ADCY7: variants seen among roughly 807,000 people sequenced by gnomAD.
The protein encoded by ADCY7 is adenylate cyclase type 7.
Under a neutral mutation model 120.6 loss-of-function variants are expected in ADCY7, and 72 were observed. That is an observed-to-expected ratio of 0.60 (90% CI 0.49 to 0.73). The LOEUF (loss-of-function observed/expected upper bound fraction) is 0.73, where lower values mean the gene tolerates loss of function less well. ADCY7 is among the 30% of genes least tolerant of loss of function. ADCY7 has a pLI of 0.00. For missense variants in ADCY7, 1,227 were observed against 1,486.0 expected (o/e 0.83, Z 2.87); for synonymous variants, 661 against 628.0 (o/e 1.05, Z -0.78).
upstream of ADCY7, among the ~76,000 whole-genome samples, chr16:50,244,700 C>G (rs1423119713): frequency 6.6e-6 from 1 of 152,258 alleles, no homozygotes; most frequent in Non-Finnish European, 1.5e-5. Flanking sequence ...CCTTTCTTCA[C>G]TGCTGCCGGG....
At chr16:50,278,585 C>T (rs547394033) in intron 1 of ADCY7, among the ~76,000 whole-genome samples, 1 of 152,262 alleles carries the variant, frequency 6.6e-6, no homozygotes, top group Non-Finnish European at 1.5e-5. Flanking sequence ...CTGAACTTAT[C>T]AGTCTCTTCT....
rs759939352 is a variant in ADCY7, at chr16:50,315,373, C to G, written c.3111C>G (p.Thr1037=). 6.2e-7 allele frequency: 1 copy of G among 1,612,534 alleles called. No homozygotes were observed. The highest frequency in any genetic ancestry group is 8.5e-7 in the Non-Finnish European group (1 of 1,178,664). ...ELGKIQVTEE[T]CTILQGLGYS... is the part of the protein sequence containing the mutation. ...TTCCTTTTCAGGTTACCGAGGAGACCTGCACCATCCTCCAGGGCCTCGGGT... is the reference window on the plus strand; with the variant it reads ...TTCCTTTTCAGGTTACCGAGGAGACGTGCACCATCCTCCAGGGCCTCGGGT... The change falls in exon 26 of 26, where the codon ACC becomes ACG. Residue 1037 remains threonine (T), a synonymous_variant. Transcript: ENST00000673801.
intron 2 of ADCY7, among the ~76,000 whole-genome samples, chr16:50,290,254 A>C (rs2034855915): frequency 1.3e-5 from 2 of 152,124 alleles, no homozygotes; most frequent in African/African-American, 4.8e-5. Flanking sequence ...GGTTCCCGAG[A>C]TGATGGGAAG....
rs754670592 is a variant in ADCY7 at position 50,291,874 on chromosome 16, C to G, written c.514C>G (p.Pro172Ala). 6.2e-7 allele frequency: 1 copy of G among 1,612,976 alleles called. No individual in the cohort carries two copies. Among genetic ancestry groups the G allele is most frequent in the Non-Finnish European group, 8.5e-7 (1 of 1,179,376 alleles). Residue 172 changes from proline to alanine, a missense_variant, in exon 4 of 26, where the codon CCC becomes GCC. Around this residue, in one of 5 missense-constraint regions of ADCY7, gnomAD observed 382 missense variants for 411.4 expected, o/e 0.93. Coordinates refer to ENST00000673801, the MANE Select transcript of ADCY7 (RefSeq NM_001114.5). ...TTCTTTGATGGGAGGCTTCACGACACCCAGTGTCCGGGTGGGGCTGCAGGT... is the reference window on the plus strand; with the variant it reads ...TTCTTTGATGGGAGGCTTCACGACAGCCAGTGTCCGGGTGGGGCTGCAGGT... ...LGSLMGGFTT[P>A]SVRVGLQLLA...
At chr16:50,266,931 T>G (rs774587793) in intron 1 of ADCY7, among the ~76,000 whole-genome samples, 40 of 152,176 alleles carry the variant, frequency 2.6e-4, no homozygotes, top group Admixed American at 8.5e-4. Context: ...AAAGTGCGGT[T>G]GTGACCACAA....
Position 50,288,048 on chromosome 16 carries a change from C to T in ADCY7, c.-132C>T. On this transcript the variant is annotated 5_prime_UTR_variant, in exon 2 of 26. Transcript: ENST00000673801. Reference sequence around the variant, plus strand: ...AGCAGCAGGCCCAGAGGCCCTCTCCCCAGCCCTGCTTGCCTGCCTCGGAGA... The same window carrying T: ...AGCAGCAGGCCCAGAGGCCCTCTCCTCAGCCCTGCTTGCCTGCCTCGGAGA... 8.8e-7 allele frequency: 1 copy of T among 1,135,496 alleles called. No homozygotes were observed. The highest frequency in any genetic ancestry group is 1.7e-5 in the South Asian group (1 of 59,540). The allele number at this position is 1,135,496 out of a possible 1,614,324, so 70.3% of individuals were successfully genotyped here.
rs11417859 is a variant in ADCY7 at position 50,287,680 on chromosome 16, G to GAAA, written c.-268-218_-268-216dup. Among the ~76,000 whole-genome samples the GAAA allele has an allele frequency of 1.9e-4, 24 of 128,284 alleles. 1 individual carries two copies. In the South Asian group the frequency reaches 2.5e-3, roughly 13 times the overall value. The allele number at this position is 128,284 out of a possible 152,430, so 84.2% of individuals were successfully genotyped here. ...GGGCAACAGAGTGAGGCCCTGTCTTGAAAAAAAAAAAAAAAAGCAGCCACA... is the reference window on the plus strand; with the variant it reads ...GGGCAACAGAGTGAGGCCCTGTCTTGAAAAAAAAAAAAAAAAAAAGCAGCCACA... On this transcript the variant is annotated intron_variant, in intron 1 of 25. Coordinates refer to ENST00000673801, the MANE Select transcript of ADCY7 (RefSeq NM_001114.5).
chr16:50,315,729 C>T lies in ADCY7; in HGVS notation c.*224C>T. ...GCAGGGGAGGCCAGAAGCTCTGTGC[C>T]TGGTCTGTAACAGTTTCCAGGCCAG... On this transcript the variant is annotated 3_prime_UTR_variant, in exon 26 of 26. Coordinates refer to ENST00000673801, the MANE Select transcript of ADCY7 (RefSeq NM_001114.5). 2.0e-6 allele frequency: 1 copy of T among 510,844 alleles called. No individual in the cohort carries two copies. The highest frequency in any genetic ancestry group is 3.5e-6 in the Non-Finnish European group (1 of 289,462). The allele number at this position is 510,844 out of a possible 1,614,324, so 31.6% of individuals were successfully genotyped here.
chr16:50,304,198 G>A (rs921785596), intron 10 of ADCY7, among the ~76,000 whole-genome samples, 162 bp from the exon 11 acceptor site: 4 of 152,170 alleles, frequency 2.6e-5, no homozygotes, highest in South Asian at 2.1e-4. Flanking sequence ...AAGGGCAGCC[G>A]CTCTCCAAGG....
At position 50,312,902 on chromosome 16, in the gene ADCY7, C is replaced by T; in HGVS notation, c.2617C>T (p.Gln873Ter). The change falls in exon 22 of 26, where the codon CAG becomes TAG. Residue 873 changes from glutamine (Q) to a stop codon, truncating the protein, a stop_gained. Transcript: ENST00000673801. LOFTEE classifies it high-confidence loss of function. ...TCTTCCCATCCAGGACTGGTACCAT[C>T]AGTCCTATGACTGCGTCTGTGTCAT... is the stretch of plus-strand genomic sequence containing the variant. Reference protein sequence around the residue: ...GDKLNEDWYHQSYDCVCVMFA... With the variant: ...GDKLNEDWYH 6.2e-7 allele frequency: 1 copy of T among 1,614,206 alleles called. No homozygotes were observed. The highest frequency in any genetic ancestry group is 1.3e-5 in the African/African-American group (1 of 75,064).
upstream of ADCY7, among the ~76,000 whole-genome samples, chr16:50,262,837 G>A (rs1221996768): frequency 6.6e-6 from 1 of 152,262 alleles, no homozygotes; most frequent in East Asian, 1.9e-4. Flanking sequence ...AGCCTTCCCT[G>A]TCTGCTACTG....
rs2034686195 is a variant in ADCY7 at position 50,287,954 on chromosome 16, A to ACT, written c.-226_-225insCT. On this transcript the variant is annotated 5_prime_UTR_variant, in exon 2 of 26. It removes the in-frame stop codon of an upstream open reading frame in the 5' UTR. Coordinates refer to ENST00000673801, the MANE Select transcript of ADCY7 (RefSeq NM_001114.5). ...TGGAGTCAGCCCAGTCTGGATGCAC[A>ACT]GGAGGATGCTGGCGGCACAGTGAGT... 6.3e-6 allele frequency: 3 copies of ACT among 478,044 alleles called. No homozygotes were observed. In the South Asian group the frequency reaches 1.1e-4, roughly 18 times the overall value. The allele number at this position is 478,044 out of a possible 1,614,324, so 29.6% of individuals were successfully genotyped here. A position where few individuals can be genotyped will look rare whatever the true frequency, so the allele number is the denominator to read the frequency against.
rs145933417 is a variant in ADCY7, at chr16:50,307,125, G to C, written c.1828G>C (p.Val610Leu). 12 of 1,612,084 alleles carry C rather than the reference G, an allele frequency of 7.4e-6. No individual in the cohort carries two copies. Among genetic ancestry groups the C allele is most frequent in the Non-Finnish European group, 1.0e-5 (12 of 1,179,982 alleles). Residue 610 changes from valine to leucine, a missense_variant, in exon 15 of 26, where the codon GTC (valine) becomes CTC (leucine). Val to Leu is a conservative substitution (Grantham distance 32). Transcript: ENST00000673801. ...CCTGATCTTCGTCTGCATCCTGCTCGTCCATGTCCTGCTCATGCCCAGGTC... is the reference window on the plus strand; with the variant it reads ...CCTGATCTTCGTCTGCATCCTGCTCCTCCATGTCCTGCTCATGCCCAGGTC... ...ASLIFVCILL[V>L]HVLLMPRTAA...
At chr16:50,306,668 C>T (rs1171360241) in intron 14 of ADCY7, among the ~76,000 whole-genome samples, 3 of 152,138 alleles carry the variant, frequency 2.0e-5, no homozygotes, top group Non-Finnish European at 2.9e-5. Context: ...TGTCCATGTA[C>T]TTGGGGCCAT....
intron 22 of ADCY7, chr16:50,313,435 CAAAAAA>C (rs764858899): frequency 4.6e-4 from 75 of 164,616 alleles, no homozygotes; most frequent in African/African-American, 1.9e-3. Flanking sequence ...ACAACAACAA[CAAAAAA>C]AAAACGACGT....
chr16:50,308,576 C>T, intron 16 of ADCY7, 91 bp from the exon 17 acceptor site: 1 of 1,553,334 alleles, frequency 6.4e-7, no homozygotes. Flanking sequence ...CTGGAGGCTT[C>T]TCCCGAGGAT....
At chr16:50,245,543 G>C (rs2032553662), upstream of ADCY7, among the ~76,000 whole-genome samples, 1 of 152,170 alleles carries the variant, frequency 6.6e-6, no homozygotes, top group South Asian at 2.1e-4. Context: ...CCCACCCTGG[G>C]TTGCAGGGAT....
Position 50,298,972 on chromosome 16 carries a change from G to A in ADCY7, c.1017G>A (p.Ser339=), listed in dbSNP as rs145191901. 3.2e-4 allele frequency: 514 copies of A among 1,613,504 alleles called. No homozygotes were observed. The highest frequency in any genetic ancestry group is 4.1e-4 in the Non-Finnish European group (482 of 1,179,982). Reference sequence around the variant, plus strand: ...ACTGTGTATCGGGCCTGCCCGTGTCGCTGCCTACCCACGCCCGGAACTGCG... The same window carrying A: ...ACTGTGTATCGGGCCTGCCCGTGTCACTGCCTACCCACGCCCGGAACTGCG... ...CYYCVSGLPV[S]LPTHARNCVK... is the part of the protein sequence containing the mutation. The change falls in exon 8 of 26, where the codon TCG becomes TCA. Residue 339 remains serine (S), a synonymous_variant. Coordinates refer to ENST00000673801, the MANE Select transcript of ADCY7 (RefSeq NM_001114.5).
chr16:50,282,879 T>TA (rs1056089302), intron 1 of ADCY7, among the ~76,000 whole-genome samples: 27 of 149,906 alleles, frequency 1.8e-4, no homozygotes, highest in African/African-American at 5.4e-4. Flanking sequence ...CCTGGCTAAT[T>TA]AAAAAAAAAA....
Sources: allele counts gnomAD v4.1 joint callset (sites outside exome capture counted in the v4.1 genomes callset), GRCh38; gene constraint gnomAD v4.1.1; regional missense constraint gnomAD v4.1.1; transcripts MANE v1.5; gene names NCBI Gene and HGNC (gene_info 2026-07-23, HGNC 2026-07-21).